The following PLN variants were observed in gnomAD, a reference collection of about 807,000 sequenced individuals.
PLN encodes cardiac phospholamban.
A neutral mutation model predicts 3.9 loss-of-function variants in PLN; 1 was observed. The observed-to-expected ratio is 0.26, with a 90% CI of 0.09 to 1.23. The LOEUF is 1.23. Ranked by LOEUF, PLN falls within the 50% of genes most tolerant of loss-of-function variation. PLN has a pLI of 0.48. For synonymous variants in PLN, 21 were observed against 20.5 expected (o/e 1.02, Z -0.07); for missense variants, 59 against 62.7 (o/e 0.94, Z 0.20).
intron 1 of PLN, among the ~76,000 whole-genome samples, chr6:118,553,621 GA>G (rs1275744002): frequency 2.6e-5 from 4 of 152,146 alleles, no homozygotes; most frequent in African/African-American, 7.2e-5. Flanking sequence ...AATCTGACAA[GA>G]AACAGGATAC....
At chr6:118,553,085 C>T (rs546028450) in intron 1 of PLN, among the ~76,000 whole-genome samples, 2 of 151,670 alleles carry the variant, frequency 1.3e-5, no homozygotes, top group East Asian at 3.9e-4. Flanking sequence ...TCAGAAAATC[C>T]CAAAACTATT....
chr6:118,557,623 C>T (rs1044238293), intron 1 of PLN, among the ~76,000 whole-genome samples: 2 of 152,128 alleles, frequency 1.3e-5, no homozygotes, highest in African/African-American at 4.8e-5. Context: ...GGCCTCCTAT[C>T]CAAGGTGGGT....
chr6:118,548,708 T>C (rs9489435), intron 1 of PLN, among the ~76,000 whole-genome samples: 4,392 of 152,194 alleles, frequency 0.029, 104 homozygotes, highest in African/African-American at 0.056. Flanking sequence ...AATCTTCCAA[T>C]TATGTTACCA....
At chr6:118,557,367 T>C (rs1347789961) in intron 1 of PLN, among the ~76,000 whole-genome samples, 2 of 152,210 alleles carry the variant, frequency 1.3e-5, no homozygotes, top group Non-Finnish European at 2.9e-5. Context: ...TTAGAACTTT[T>C]ACCCAAAAGA....
At position 118,560,164 on chromosome 6, in the gene PLN, A is replaced by ATT. The variant is rs1388018420; in HGVS notation, c.*1085_*1086dup. On this transcript the variant is annotated 3_prime_UTR_variant, in exon 2 of 2. Coordinates refer to ENST00000357525, the MANE Select transcript of PLN (RefSeq NM_002667.5). ...TTGAAATGAACTTGTTGGCCCATCT[A>ATT]TTACATCTACAGCTGACCCTTGAAC... The ATT allele has an allele frequency of 6.0e-6, 1 of 167,092 alleles. No homozygotes were observed. The highest frequency in any genetic ancestry group is 1.5e-5 in the Non-Finnish European group (1 of 68,112). 10.4% of individuals were successfully genotyped at this position (167,092 alleles called of 1,614,324 possible).
Position 118,558,660 on chromosome 6 carries a change from CAGAGAG to C in PLN, c.-97-142_-97-137del, listed in dbSNP as rs369698272. Among the ~76,000 whole-genome samples the C allele has an allele frequency of 5.1e-3, 621 of 122,262 alleles. 3 individuals carry two copies. Among genetic ancestry groups the C allele is most frequent in the Admixed American group, 8.8e-3 (104 of 11,798 alleles). The allele number at this position is 122,262 out of a possible 152,430, so 80.2% of individuals were successfully genotyped here. On this transcript the variant is annotated intron_variant, in intron 1 of 1. Transcript: ENST00000357525. The stretch of plus-strand genomic sequence containing the variant: ...ACACACACACACACACACACACACA[CAGAGAG>C]AGAGAGAGAGAGAGAGAGAGAGGGA...
chr6:118,553,433 A>G (rs1390330173), intron 1 of PLN, among the ~76,000 whole-genome samples: 2 of 152,182 alleles, frequency 1.3e-5, no homozygotes, highest in Admixed American at 6.5e-5. Flanking sequence ...TTATCATCAT[A>G]CAAATGTTGG....
intron 1 of PLN, among the ~76,000 whole-genome samples, chr6:118,553,007 T>C (rs768963530): frequency 1.4e-4 from 21 of 152,080 alleles, no homozygotes; most frequent in Non-Finnish European, 2.5e-4. Context: ...TTATATATAT[T>C]GTCATTCTTT....
Position 118,560,716 on chromosome 6 carries a change from T to C in PLN, c.*1636T>C, listed in dbSNP as rs1490558058. The C allele has an allele frequency of 1.2e-5, 2 of 165,644 alleles. No individual in the cohort carries two copies. The highest frequency in any genetic ancestry group is 2.9e-5 in the Non-Finnish European group (2 of 68,112). The allele number at this position is 165,644 out of a possible 1,614,324, so 10.3% of individuals were successfully genotyped here. On this transcript the variant is annotated 3_prime_UTR_variant, in exon 2 of 2. Transcript: ENST00000357525. ...AGCTATGCTATTTATAATTATTTTC[T>C]TGATGAATAAATTTTCAATTTCTCC... is the stretch of plus-strand genomic sequence containing the variant.
Position 118,559,239 on chromosome 6 carries a change from T to C in PLN, c.*159T>C, listed in dbSNP as rs934669589. On this transcript the variant is annotated 3_prime_UTR_variant, in exon 2 of 2. Transcript: ENST00000357525. Reference sequence around the variant, plus strand: ...TTAAGACTAAAACTTATTGTTACCATATGTATTCATCTGTTGGATCTTGTA... The same window carrying C: ...TTAAGACTAAAACTTATTGTTACCACATGTATTCATCTGTTGGATCTTGTA... 2.0e-5 allele frequency: 14 copies of C among 709,956 alleles called. No individual in the cohort carries two copies. Among genetic ancestry groups the C allele is most frequent in the Non-Finnish European group, 3.1e-5 (12 of 383,592 alleles). 44.0% of individuals were successfully genotyped at this position (709,956 alleles called of 1,614,324 possible).
At chr6:118,553,546 ATT>A (rs1236358553) in intron 1 of PLN, among the ~76,000 whole-genome samples, 3 of 152,192 alleles carry the variant, frequency 2.0e-5, no homozygotes, top group Non-Finnish European at 4.4e-5. Context: ...TGTAAAGCAG[ATT>A]TAAGTTTAGG....
chr6:118,559,206 G>T lies in PLN; in HGVS notation c.*126G>T. 1.2e-6 allele frequency: 1 copy of T among 806,112 alleles called. No homozygotes were observed. Among genetic ancestry groups the T allele is most frequent in the South Asian group, 1.4e-5 (1 of 73,286 alleles). The allele number at this position is 806,112 out of a possible 1,614,324, so 49.9% of individuals were successfully genotyped here. ...GAGTAGAAGAGTTTCTTTGTGAAAA[G>T]GTCAAGATTAAGACTAAAACTTATT... On this transcript the variant is annotated 3_prime_UTR_variant, in exon 2 of 2. Coordinates refer to ENST00000357525, the MANE Select transcript of PLN (RefSeq NM_002667.5).
chr6:118,557,965 C>CTT (rs112347844), intron 1 of PLN, among the ~76,000 whole-genome samples: 32 of 140,962 alleles, frequency 2.3e-4, no homozygotes, highest in African/African-American at 6.7e-4. Context: ...TCTTTGTTGG[C>CTT]TTTTTTTTTT....
intron 1 of PLN, among the ~76,000 whole-genome samples, chr6:118,556,548 C>CT (rs1778888514): frequency 1.3e-5 from 2 of 152,172 alleles, no homozygotes; most frequent in African/African-American, 4.8e-5. Context: ...TTACCTTCCC[C>CT]TTTGCCATTC....
rs972291710 is a variant in PLN at position 118,561,437 on chromosome 6, A to G, written c.*2357A>G. 6.6e-6 allele frequency among the ~76,000 whole-genome samples: 1 copy of G among 152,166 alleles called. No individual in the cohort carries two copies. The highest frequency in any genetic ancestry group is 1.5e-5 in the Non-Finnish European group (1 of 67,994). ...TATTCTGTGAGGATTACAGAATACT[A>G]TAACTCAAATTATAAAGTAGAATAA... On this transcript the variant is annotated 3_prime_UTR_variant, in exon 2 of 2. Transcript: ENST00000357525.
intron 1 of PLN, among the ~76,000 whole-genome samples, chr6:118,550,143 C>G (rs556386982): frequency 4.5e-4 from 68 of 151,944 alleles, no homozygotes; most frequent in Admixed American, 7.2e-4. Flanking sequence ...AGAGTACTTG[C>G]TTTACTAAAA....
chr6:118,557,959 T>C (rs1307365574), intron 1 of PLN, among the ~76,000 whole-genome samples: 11 of 151,706 alleles, frequency 7.3e-5, no homozygotes, highest in Non-Finnish European at 1.5e-5. Flanking sequence ...TAATTATCTT[T>C]GTTGGCTTTT....
At chr6:118,548,581 G>C (rs1778347831) in intron 1 of PLN, among the ~76,000 whole-genome samples, 189 bp downstream of exon 1, 1 of 151,950 alleles carries the variant, frequency 6.6e-6, no homozygotes, top group South Asian at 2.1e-4. Context: ...GGAAAAATGA[G>C]ACAACTTTGA....
intron 1 of PLN, among the ~76,000 whole-genome samples, chr6:118,548,742 C>A (rs1012948188): frequency 7.9e-5 from 12 of 152,040 alleles, no homozygotes; most frequent in Non-Finnish European, 1.8e-4. Context: ...TGGTTAATTT[C>A]TCCATGCAAA....
Sources: allele counts gnomAD v4.1 joint callset (sites outside exome capture counted in the v4.1 genomes callset), GRCh38; gene constraint gnomAD v4.1.1; transcripts MANE v1.5; gene names NCBI Gene and HGNC (gene_info 2026-07-23, HGNC 2026-07-21).